GLS: variants seen among roughly 807,000 people sequenced by gnomAD.
The protein encoded by GLS is glutaminase kidney isoform, mitochondrial.
Under a neutral mutation model 86.7 loss-of-function variants are expected in GLS, and 36 were observed. The ratio of observed to expected loss-of-function variants is 0.42; its 90% CI spans 0.32 to 0.55. The LOEUF is 0.55. GLS is among the 20% of genes least tolerant of loss of function. The pLI, the probability that GLS is intolerant of heterozygous loss-of-function variation, is 0.17. For missense variants in GLS, 528 were observed against 833.4 expected, an observed-to-expected ratio of 0.63 and a Z score of 4.51; for synonymous variants, 317 against 305.9, an observed-to-expected ratio of 1.04 and a Z score of -0.38.
At chr2:190,887,602 C>T (rs374533010) in intron 1 of GLS, among the ~76,000 whole-genome samples, 19 of 152,170 alleles carry the variant, frequency 1.2e-4, no homozygotes, top group South Asian at 2.1e-4. Flanking sequence ...GACATAGACC[C>T]GTCCTTCAAT....
At position 190,927,503 on chromosome 2, in the gene GLS, A is replaced by ATT. The variant is rs112035720; in HGVS notation, c.1425+24_1425+25dup. The ATT allele has an allele frequency of 2.9e-3, 4,556 of 1,561,892 alleles. 98 individuals are homozygous for ATT. The African/African-American group carries it at 0.049, about 17-fold the overall frequency. Reference sequence around the variant, plus strand: ...TCCATGTAAGTAATTGTTTAATCTTATTTTCTCTGGCAAGAAACTAGTCTG... The same window carrying ATT: ...TCCATGTAAGTAATTGTTTAATCTTATTTTTTCTCTGGCAAGAAACTAGTCTG... On this transcript the variant is annotated intron_variant, in intron 12 of 17. Transcript: ENST00000320717.
intron 17 of GLS, among the ~76,000 whole-genome samples, chr2:190,958,939 T>A (rs1370019954): frequency 6.6e-6 from 1 of 152,220 alleles, no homozygotes; most frequent in Non-Finnish European, 1.5e-5. Flanking sequence ...TTAGGTCTGC[T>A]TGGTCCAGAG....
rs190539169 is a variant in GLS, at chr2:190,932,730, A to G, written c.1650+1093A>G. The G allele has an allele frequency of 5.9e-5, 94 of 1,600,410 alleles. No homozygotes were observed. In the African/African-American group the frequency reaches 1.1e-3, roughly 19 times the overall value. On this transcript the variant is annotated intron_variant, in intron 14 of 17. Coordinates refer to ENST00000320717, the MANE Select transcript of GLS (RefSeq NM_014905.5). Reference sequence around the variant, plus strand: ...TGAACAACTAGCATTCCTTTGGACCATTGGACTATGAAAGTCTCCAACAAG... The same window carrying G: ...TGAACAACTAGCATTCCTTTGGACCGTTGGACTATGAAAGTCTCCAACAAG...
rs1327566726 is a variant in GLS at position 190,947,385 on chromosome 2, CTAAGA to C, written c.1651-6173_1651-6169del. Among the ~76,000 whole-genome samples the C allele has an allele frequency of 2.6e-5, 4 of 152,016 alleles. No homozygotes were observed. The highest frequency in any genetic ancestry group is 7.3e-5 in the African/African-American group (3 of 41,370). On this transcript the variant is annotated intron_variant, in intron 14 of 17. Transcript: ENST00000320717. This position sits in a 1 kb window ranked among gnomAD's most constrained non-coding sequence, Gnocchi z 5.0. ...GTTGTCATGACTTTGTACAAATAAA[CTAAGA>C]TAAGATTGTCTGGTTCGGGCAGATT...
Position 190,881,340 on chromosome 2 carries a change from G to A in GLS, c.256G>A (p.Gly86Arg), listed in dbSNP as rs549201657. ...GGAGATCTTGCAGGAGCTGGGCAAG[G>A]GGAGCACGCATCCGCAGCCCGGGGT... is the stretch of plus-strand genomic sequence containing the variant. ...PSEILQELGK[G>R]STHPQPGVSP... The change falls in exon 1 of 18, where the codon GGG becomes AGG. Residue 86 changes from glycine (G) to arginine (R), a missense_variant. Physicochemically the swap from Gly to Arg is moderately radical, Grantham distance 125. This residue lies in a region of GLS where 224 missense variants were observed against 187.9 expected (regional missense o/e 1.19). Transcript: ENST00000320717. 6.5e-7 allele frequency: 1 copy of A among 1,535,500 alleles called. No individual in the cohort carries two copies. The highest frequency in any genetic ancestry group is 1.2e-5 in the South Asian group (1 of 83,350).
intron 17 of GLS, among the ~76,000 whole-genome samples, chr2:190,959,452 A>G (rs1038581817): frequency 2.0e-5 from 3 of 152,078 alleles, no homozygotes; most frequent in African/African-American, 7.2e-5. Context: ...TGTGAATTTG[A>G]TCCTGTCATT....
At chr2:190,898,147 A>C (rs1377688990) in intron 3 of GLS, among the ~76,000 whole-genome samples, 1 of 152,180 alleles carries the variant, frequency 6.6e-6, no homozygotes, top group Non-Finnish European at 1.5e-5. Context: ...TTTGTTTTGC[A>C]AGAAAGTGAA....
intron 6 of GLS, among the ~76,000 whole-genome samples, chr2:190,910,004 C>CT (rs1183998063): frequency 6.6e-6 from 1 of 152,108 alleles, no homozygotes; most frequent in Non-Finnish European, 1.5e-5. Flanking sequence ...TGCCACTGCA[C>CT]TTCAGCCTGG....
In GLS at chr2:190,962,123, C is replaced by T. The variant is rs781118353; in HGVS notation, c.1854-707C>T. Among the ~76,000 whole-genome samples the T allele has an allele frequency of 1.3e-5, 2 of 152,232 alleles. No homozygotes were observed. The highest frequency in any genetic ancestry group is 2.9e-5 in the Non-Finnish European group (2 of 68,048). ...ACTTCTGGCAAGTGATTAACCACTT[C>T]TGGCAACTCTTCATTTCTTCTTATC... On this transcript the variant is annotated intron_variant, in intron 17 of 17. Coordinates refer to ENST00000320717, the MANE Select transcript of GLS (RefSeq NM_014905.5). The surrounding 1 kb of genome is among the most constrained non-coding windows in gnomAD (Gnocchi z 4.2).
At chr2:190,958,669 G>T (rs1167812644) in intron 17 of GLS, among the ~76,000 whole-genome samples, 1 of 152,036 alleles carries the variant, frequency 6.6e-6, no homozygotes, top group Non-Finnish European at 1.5e-5. Flanking sequence ...CTTTAATTTT[G>T]TTATTTACCC....
rs991162069 is a variant in GLS at position 190,881,197 on chromosome 2, C to A, written c.113C>A (p.Pro38His). 1.3e-5 allele frequency: 17 copies of A among 1,295,326 alleles called. No homozygotes were observed. In the African/African-American group the frequency reaches 2.3e-4, roughly 18 times the overall value. The allele number at this position is 1,295,326 out of a possible 1,614,324, so 80.2% of individuals were successfully genotyped here. Residue 38 changes from proline (P) to histidine (H), a missense_variant, in exon 1 of 18, where the codon CCC becomes CAC. Pro to His is a moderately conservative substitution (Grantham distance 77, BLOSUM62 -2). This residue lies in a region of GLS where 224 missense variants were observed against 187.9 expected (regional missense o/e 1.19). Coordinates refer to ENST00000320717, the MANE Select transcript of GLS (RefSeq NM_014905.5). ...CCCTTGGTCACCCTGTGCCGGCGTC[C>A]CCGAGGCGGGGGACGGCCGGCCGCG... Reference protein sequence around the residue: ...AQPLVTLCRRPRGGGRPAAGP... With the variant: ...AQPLVTLCRRHRGGGRPAAGP...
At position 190,930,415 on chromosome 2, in the gene GLS, T is replaced by C. The variant is rs755956208; in HGVS notation, c.1426-22T>C. 3 of 1,568,584 alleles carry C rather than the reference T, an allele frequency of 1.9e-6. No homozygotes were observed. In the South Asian group the frequency reaches 3.3e-5, roughly 17 times the overall value. On this transcript the variant is annotated intron_variant, in intron 12 of 17. Coordinates refer to ENST00000320717, the MANE Select transcript of GLS (RefSeq NM_014905.5). The surrounding 1 kb of genome is among the most constrained non-coding windows in gnomAD (Gnocchi z 5.0). ...TATTTTAAAATGTTTACCTGAATAC[T>C]CTTTTACTGAATTATTTTTAGGTTG...
Position 190,881,433 on chromosome 2 carries a change from A to T in GLS, c.349A>T (p.Asn117Tyr). Residue 117 changes from asparagine (N) to tyrosine (Y), a missense_variant, in exon 1 of 18, where the codon AAC (asparagine) becomes TAC (tyrosine). Asn to Tyr is a moderately radical substitution (Grantham distance 143). Around this residue, in one of 4 missense-constraint regions of GLS, gnomAD observed 224 missense variants for 187.9 expected, o/e 1.19. Coordinates refer to ENST00000320717, the MANE Select transcript of GLS (RefSeq NM_014905.5). ...CCCCGGGGAGACGGACGCGTTTGGC[A>T]ACAGCGAGGGCAAAGAGCTGGTGGC... The part of the protein sequence containing the change: ...DGPGETDAFG[N>Y]SEGKELVASG... The T allele has an allele frequency of 1.3e-6, 2 of 1,545,704 alleles. No homozygotes were observed. Among genetic ancestry groups the T allele is most frequent in the Non-Finnish European group, 1.7e-6 (2 of 1,145,226 alleles).
chr2:190,941,073 A>T (rs1018415769), intron 14 of GLS, among the ~76,000 whole-genome samples: 9 of 152,196 alleles, frequency 5.9e-5, no homozygotes, highest in Non-Finnish European at 1.3e-4. Context: ...ATTCACTGAT[A>T]GGTTCTTATT....
chr2:190,959,246 T>TG (rs1690938641), intron 17 of GLS, among the ~76,000 whole-genome samples: 1 of 148,436 alleles, frequency 6.7e-6, no homozygotes. Context: ...ACCCCTGCTT[T>TG]TTTTTTTTTT....
chr2:190,916,777 C>G (rs1689547738), intron 7 of GLS, among the ~76,000 whole-genome samples: 1 of 151,974 alleles, frequency 6.6e-6, no homozygotes, highest in African/African-American at 2.4e-5. Context: ...CAAGTCATAC[C>G]AATTTTTTCG....
At chr2:190,961,812 G>A (rs535823926) in intron 17 of GLS, among the ~76,000 whole-genome samples, 15 of 150,770 alleles carry the variant, frequency 9.9e-5, no homozygotes, top group South Asian at 2.1e-4. Context: ...AAAACCTTTC[G>A]TTTCCATATT....
intron 14 of GLS, 144 bp downstream of exon 14, chr2:190,931,781 A>G (rs1236230106): frequency 6.2e-6 from 3 of 485,750 alleles, no homozygotes; most frequent in Admixed American, 3.7e-5. Context: ...TTGTTGACAT[A>G]TAAATCCGGG....
In GLS at chr2:190,881,258, G is replaced by T; in HGVS notation, c.174G>T (p.Trp58Cys). 1 of 1,278,518 alleles carries T rather than the reference G, an allele frequency of 7.8e-7. No individual in the cohort carries two copies. The highest frequency in any genetic ancestry group is 9.9e-7 in the Non-Finnish European group (1 of 1,013,808). 79.2% of individuals were successfully genotyped at this position (1,278,518 alleles called of 1,614,324 possible). A position where few individuals can be genotyped will look rare whatever the true frequency, so the allele number is the denominator to read the frequency against. ...PAAAARLHPWWGGGGWPAEPL... is the reference protein window; with the variant it reads ...PAAAARLHPWCGGGGWPAEPL... ...CCGCCGCGCGACTCCACCCGTGGTG[G>T]GGCGGGGGCGGCTGGCCGGCGGAGC... The change falls in exon 1 of 18, where the codon TGG becomes TGT. Residue 58 changes from tryptophan (W) to cysteine (C), a missense_variant. This residue lies in a region of GLS where 224 missense variants were observed against 187.9 expected (regional missense o/e 1.19). Transcript: ENST00000320717.
Sources: allele counts gnomAD v4.1 joint callset (sites outside exome capture counted in the v4.1 genomes callset), GRCh38; gene constraint gnomAD v4.1.1; regional missense constraint gnomAD v4.1.1; non-coding constraint Gnocchi (gnomAD v3.1); transcripts MANE v1.5; gene names NCBI Gene and HGNC (gene_info 2026-07-23, HGNC 2026-07-21).